MGST1: variants seen among roughly 807,000 people sequenced by gnomAD.
MGST1 encodes the protein microsomal glutathione S-transferase 1.
A neutral mutation model predicts 8.9 loss-of-function variants in MGST1; 5 were observed. The observed-to-expected ratio is 0.56, with a 90% confidence interval of 0.29 to 1.19. The LOEUF is 1.19. Ranked by LOEUF, MGST1 falls within the 50% of genes most tolerant of loss-of-function variation. MGST1 has a pLI of 0.08. For synonymous variants in MGST1, 54 were observed against 67.8 expected, an observed-to-expected ratio of 0.80 and a Z score of 1.00; for missense variants, 182 against 187.4, an observed-to-expected ratio of 0.97 and a Z score of 0.17.
downstream of MGST1, among the ~76,000 whole-genome samples, chr12:16,592,592 G>C (rs1484627662): frequency 6.6e-6 from 1 of 151,790 alleles, no homozygotes; most frequent in African/African-American, 2.4e-5. Context: ...ACCCACCCAG[G>C]TAAAGGAACA....
chr12:16,472,479 G>A (rs1941295374), intron 4 of MGST1, among the ~76,000 whole-genome samples: 1 of 148,126 alleles, frequency 6.8e-6, no homozygotes, highest in African/African-American at 2.5e-5. Flanking sequence ...GACTATTAAC[G>A]CCAAATCACT....
intron 4 of MGST1, among the ~76,000 whole-genome samples, chr12:16,565,954 CAATGGATG>C (rs1294712256): frequency 3.3e-5 from 4 of 119,714 alleles, no homozygotes; most frequent in Admixed American, 1.1e-4. Flanking sequence ...ACATGCCCAT[CAATGGATG>C]AATGGATGAA....
At chr12:16,432,927 A>G (rs779016754) in intron 1 of MGST1, among the ~76,000 whole-genome samples, 3 of 152,102 alleles carry the variant, frequency 2.0e-5, no homozygotes, top group Non-Finnish European at 4.4e-5. Context: ...GACCTAGTCA[A>G]TGCTCTGAGA....
In MGST1 at chr12:16,401,573, G is replaced by A. The variant is rs778937334; in HGVS notation, n.778+17969G>A. The A allele has an allele frequency of 1.3e-5, 17 of 1,296,200 alleles. No individual in the cohort carries two copies. The African/African-American group carries it at 2.5e-4, about 19-fold the overall frequency. The allele number at this position is 1,296,200 out of a possible 1,614,324, so 80.3% of individuals were successfully genotyped here. The stretch of plus-strand genomic sequence containing the variant: ...GCCATCAAAGTGCGAACAGGTTGGA[G>A]CAATAAGACTCGAAGCGAATACCCA... On this transcript the variant is annotated intron_variant and non_coding_transcript_variant, in intron 1 of 1. Coordinates refer to the MGST1 transcript ENST00000359720. The surrounding 1 kb of genome is among the most constrained non-coding windows in gnomAD (Gnocchi z 4.3).
At chr12:16,566,585 C>T (rs923299909) in intron 4 of MGST1, among the ~76,000 whole-genome samples, 4 of 151,808 alleles carry the variant, frequency 2.6e-5, no homozygotes, top group Non-Finnish European at 4.4e-5. Context: ...TAAAAGTTGA[C>T]CATATATTAA....
intron 4 of MGST1, among the ~76,000 whole-genome samples, chr12:16,556,446 G>A (rs1194357023): frequency 6.6e-6 from 1 of 152,038 alleles, no homozygotes; most frequent in Non-Finnish European, 1.5e-5. Flanking sequence ...ATCCTGAAAG[G>A]TTATTATTAC....
At chr12:16,399,704 A>T in intron 1 of MGST1, 1 of 1,291,282 alleles carries the variant, frequency 7.7e-7, no homozygotes, top group Non-Finnish European at 1.1e-6. Flanking sequence ...GGTCATCAAC[A>T]ATGGTCTTTA....
At chr12:16,554,792 G>T (rs1213802900) in intron 4 of MGST1, among the ~76,000 whole-genome samples, 1 of 152,144 alleles carries the variant, frequency 6.6e-6, no homozygotes, top group Non-Finnish European at 1.5e-5. Flanking sequence ...CAGTAGCTCT[G>T]ACTACAGGCG....
intron 4 of MGST1, among the ~76,000 whole-genome samples, chr12:16,574,112 T>C (rs1942917541): frequency 6.6e-6 from 1 of 152,028 alleles, no homozygotes; most frequent in Non-Finnish European, 1.5e-5. Flanking sequence ...CTCCACCTAC[T>C]CTGCCGATTT....
At chr12:16,570,183 C>T (rs1489466168) in intron 4 of MGST1, among the ~76,000 whole-genome samples, 1 of 152,084 alleles carries the variant, frequency 6.6e-6, no homozygotes, top group African/African-American at 2.4e-5. Context: ...TTTCAGAAAG[C>T]TTTGTCTACT....
intron 4 of MGST1, chr12:16,514,256 T>C (rs1941596369): frequency 7.2e-6 from 2 of 278,908 alleles, no homozygotes; most frequent in Non-Finnish European, 1.4e-5. Context: ...GGCTTCACCA[T>C]GGTTTGCAAA....
intron 4 of MGST1, among the ~76,000 whole-genome samples, chr12:16,526,524 C>T (rs1180473344): frequency 6.6e-6 from 1 of 151,592 alleles, no homozygotes; most frequent in East Asian, 1.9e-4. Context: ...AGATTTTTTT[C>T]CTTTGGAAAA....
chr12:16,502,960 T>C (rs1352666458), intron 4 of MGST1, among the ~76,000 whole-genome samples: 1 of 152,212 alleles, frequency 6.6e-6, no homozygotes, highest in Non-Finnish European at 1.5e-5. Context: ...GACAATGGAA[T>C]GTCTTCAGCT....
rs1393331782 is a variant in MGST1, at chr12:16,546,233, G to A, written n.483-43295G>A. Among the ~76,000 whole-genome samples, 2 of 152,046 alleles carry A rather than the reference G, an allele frequency of 1.3e-5. No homozygotes were observed. The highest frequency in any genetic ancestry group is 2.9e-5 in the Non-Finnish European group (2 of 67,956). ...TTAGGTGATTTAAACTCTTCTCCAG[G>A]AGCAGGGTGAAAAAAGATTTTGATT... On this transcript the variant is annotated intron_variant and non_coding_transcript_variant, in intron 4 of 4. Coordinates refer to the MGST1 transcript ENST00000538857. This position sits in a 1 kb window ranked among gnomAD's most constrained non-coding sequence, Gnocchi z 4.7.
intron 3 of MGST1, chr12:16,376,036 T>C: frequency 1.1e-6 from 1 of 917,476 alleles, no homozygotes; most frequent in Non-Finnish European, 1.5e-6. Flanking sequence ...ATTTTATACA[T>C]ATATATAAAT....
At chr12:16,427,486 G>T (rs781421465) in intron 1 of MGST1, among the ~76,000 whole-genome samples, 7 of 152,132 alleles carry the variant, frequency 4.6e-5, no homozygotes, top group Admixed American at 3.3e-4. Flanking sequence ...GGGTTTAAGC[G>T]ATTCACATGC....
chr12:16,536,811 A>G (rs1053914769), intron 4 of MGST1, among the ~76,000 whole-genome samples: 62 of 152,324 alleles, frequency 4.1e-4, no homozygotes, highest in African/African-American at 1.5e-3. Flanking sequence ...CTCATGATTC[A>G]AATTATCTCC....
chr12:16,544,424 T>G lies in MGST1; in HGVS notation n.483-45104T>G, dbSNP rs190399357. Among the ~76,000 whole-genome samples, 288 of 152,214 alleles carry G rather than the reference T, an allele frequency of 1.9e-3. 4 individuals carry two copies. The highest frequency in any genetic ancestry group is 6.9e-3 in the African/African-American group (285 of 41,554). On this transcript the variant is annotated intron_variant and non_coding_transcript_variant, in intron 4 of 4. Transcript: ENST00000538857. This position sits in a 1 kb window ranked among gnomAD's most constrained non-coding sequence, Gnocchi z 4.8. ...AAATATGATATATGTGGCTTGTTTC[T>G]TCTATTGAATGTGTATTTACTTATA...
chr12:16,581,799 T>C (rs1436943600), intron 4 of MGST1, among the ~76,000 whole-genome samples: 1 of 152,098 alleles, frequency 6.6e-6, no homozygotes, highest in Non-Finnish European at 1.5e-5. Flanking sequence ...TATATTTTAA[T>C]AATTGTATTA....
Sources: gnomAD v4.1 joint callset for allele counts (sites outside exome capture counted in the v4.1 genomes callset) on GRCh38, gnomAD v4.1.1 for gene constraint, Gnocchi (gnomAD v3.1) non-coding constraint, MANE v1.5 for transcripts, NCBI Gene and HGNC (gene_info 2026-07-23, HGNC 2026-07-21) for gene names.